The following CBLN2 variants were observed in gnomAD, a reference collection of about 807,000 sequenced individuals.
CBLN2 encodes cerebellin 2 precursor.
In CBLN2, 7 loss-of-function variants were observed where a neutral mutation model predicts 15.0. The observed-to-expected ratio is 0.47, with a 90% CI of 0.27 to 0.88. The LOEUF (loss-of-function observed/expected upper bound fraction) is 0.88, where lower values mean the gene tolerates loss of function less well. CBLN2 is among the 40% of genes least tolerant of loss of function. CBLN2 has a pLI of 0.14. For missense variants in CBLN2, 242 were observed against 304.5 expected (o/e 0.79, Z 1.53); for synonymous variants, 149 against 135.2 (o/e 1.10, Z -0.71).
Position 72,542,038 on chromosome 18 carries a change from C to T in CBLN2, c.123G>A (p.Leu41=). The change falls in exon 3 of 5, where the codon CTG becomes CTA. Residue 41 remains leucine, a synonymous_variant. Transcript: ENST00000269503. ...CLGVALALLL[L]LLPACCPVRA... ...GCACGGGGCAGCAGGCGGGCAGTAG[C>T]AGCAACAGCAGGGCCAGCGCCACCC... The T allele has an allele frequency of 6.3e-7, 1 of 1,590,938 alleles. No homozygotes were observed. The highest frequency in any genetic ancestry group is 8.5e-7 in the Non-Finnish European group (1 of 1,176,660).
upstream of CBLN2, among the ~76,000 whole-genome samples, chr18:72,548,024 T>C (rs2069169382): frequency 1.3e-5 from 2 of 152,028 alleles, no homozygotes; most frequent in Admixed American, 1.3e-4. Flanking sequence ...ATTAAAGGAG[T>C]GAAAAGCTGA....
At chr18:72,569,364 T>TC (rs2069315647) in intron 1 of CBLN2, among the ~76,000 whole-genome samples, 1 of 152,220 alleles carries the variant, frequency 6.6e-6, no homozygotes, top group East Asian at 1.9e-4. Context: ...TTACATTTTT[T>TC]CCAAATCTTT....
rs755592010 is a variant in CBLN2, at chr18:72,541,796, C to T, written c.357+8G>A. On this transcript the variant is annotated splice_region_variant and intron_variant, in intron 3 of 4. Coordinates refer to ENST00000269503, the MANE Select transcript of CBLN2 (RefSeq NM_182511.4). ...GCTGGGGGCGGGGTGGGCAGGCCGA[C>T]GGCTGACCTGGTCGAAATAGATGGT... 5 of 1,530,982 alleles carry T rather than the reference C, an allele frequency of 3.3e-6. No homozygotes were observed. The highest frequency in any genetic ancestry group is 1.2e-5 in the South Asian group (1 of 81,522). The allele number at this position is 1,530,982 out of a possible 1,614,324, so 94.8% of individuals were successfully genotyped here. A position where few individuals can be genotyped will look rare whatever the true frequency, so the allele number is the denominator to read the frequency against.
chr18:72,539,531 C>T (rs1300784892), intron 3 of CBLN2: 6 of 152,206 alleles, frequency 3.9e-5, no homozygotes, highest in East Asian at 1.9e-4. Flanking sequence ...AATAGAGAAC[C>T]GGCAGCTTGG....
chr18:72,615,491 G>A (rs536940015), intron 1 of CBLN2, among the ~76,000 whole-genome samples: 18 of 151,672 alleles, frequency 1.2e-4, no homozygotes, highest in African/African-American at 3.9e-4. Flanking sequence ...GGTCAGGCTG[G>A]TCTCAAAACT....
intron 1 of CBLN2, among the ~76,000 whole-genome samples, chr18:72,565,922 A>G (rs1017611597): frequency 6.6e-6 from 1 of 152,234 alleles, no homozygotes; most frequent in Non-Finnish European, 1.5e-5. Context: ...ACATCTTATA[A>G]GGAGTTAATA....
At chr18:72,562,816 C>T (rs964849007) in intron 1 of CBLN2, among the ~76,000 whole-genome samples, 28 of 152,080 alleles carry the variant, frequency 1.8e-4, no homozygotes, top group African/African-American at 6.8e-4. Context: ...AGTTGGTTAC[C>T]TTAGTGATTT....
chr18:72,618,942 T>C, intron 1 of CBLN2: 1 of 744,726 alleles, frequency 1.3e-6, no homozygotes, highest in Non-Finnish European at 2.4e-6. Context: ...GTGGTCATGG[T>C]GGCTTTGGTG....
chr18:72,617,818 T>C (rs1002924937), intron 1 of CBLN2, among the ~76,000 whole-genome samples: 3 of 152,092 alleles, frequency 2.0e-5, no homozygotes, highest in African/African-American at 7.2e-5. Flanking sequence ...ACTCAGTTAG[T>C]AGTAATAGTG....
rs1490114748 is a variant in CBLN2, at chr18:72,606,437, A to G, written c.15+31888T>C. Among the ~76,000 whole-genome samples the G allele has an allele frequency of 1.3e-5, 2 of 152,228 alleles. 1 individual carries two copies. The highest frequency in any genetic ancestry group is 2.9e-5 in the Non-Finnish European group (2 of 68,046). ...AGTAGTAACCTGTCAACTCCCCTAC[A>G]TAAGCCCTAAGATATAGACATATTT... On this transcript the variant is annotated intron_variant, in intron 1 of 2. Transcript: ENST00000581073.
intron 1 of CBLN2, among the ~76,000 whole-genome samples, chr18:72,579,346 G>T (rs998580601): frequency 1.3e-5 from 2 of 152,062 alleles, no homozygotes; most frequent in African/African-American, 4.8e-5. Flanking sequence ...TTGATTTAAT[G>T]CTTTTAGATA....
intron 1 of CBLN2, among the ~76,000 whole-genome samples, chr18:72,591,694 A>C (rs975936863): frequency 3.9e-5 from 6 of 152,042 alleles, no homozygotes; most frequent in Non-Finnish European, 8.8e-5. Context: ...CTCTATCTCC[A>C]TGAGTTCAAT....
At chr18:72,634,907 C>T (rs573077890) in intron 1 of CBLN2, among the ~76,000 whole-genome samples, 9 of 152,096 alleles carry the variant, frequency 5.9e-5, no homozygotes, top group East Asian at 1.9e-4. Flanking sequence ...AAATGAACCA[C>T]GCAGTTTTTG....
At chr18:72,575,308 A>G (rs957665975) in intron 1 of CBLN2, among the ~76,000 whole-genome samples, 1 of 152,158 alleles carries the variant, frequency 6.6e-6, no homozygotes, top group Admixed American at 6.5e-5. Flanking sequence ...AGAGGATTTT[A>G]AATACCTTGA....
chr18:72,608,267 C>T (rs2069597336), intron 1 of CBLN2, among the ~76,000 whole-genome samples: 1 of 152,186 alleles, frequency 6.6e-6, no homozygotes, highest in Non-Finnish European at 1.5e-5. Context: ...TAGCCTCTGA[C>T]TTCTTTTCTC....
chr18:72,588,993 T>C (rs2069460638), intron 1 of CBLN2, among the ~76,000 whole-genome samples: 1 of 152,148 alleles, frequency 6.6e-6, no homozygotes, highest in African/African-American at 2.4e-5. Flanking sequence ...AAAACATTAT[T>C]TGGCATGAAA....
At chr18:72,601,337 G>A (rs1388063085) in intron 1 of CBLN2, among the ~76,000 whole-genome samples, 1 of 152,140 alleles carries the variant, frequency 6.6e-6, no homozygotes, top group Non-Finnish European at 1.5e-5. Flanking sequence ...GATTTCAAAG[G>A]TTGGAATGGA....
intron 1 of CBLN2, among the ~76,000 whole-genome samples, chr18:72,567,037 C>T (rs1179213602): frequency 6.6e-6 from 1 of 151,968 alleles, no homozygotes; most frequent in Non-Finnish European, 1.5e-5. Context: ...TGTCCAAGCT[C>T]GTCTGGAACT....
At chr18:72,544,854 T>TA (rs2069146998), upstream of CBLN2, among the ~76,000 whole-genome samples, 2 of 152,184 alleles carry the variant, frequency 1.3e-5, no homozygotes, top group African/African-American at 4.8e-5. Flanking sequence ...CCGTATAGTT[T>TA]ATGCTGGTCT....
Sources: gnomAD v4.1 joint callset for allele counts (sites outside exome capture counted in the v4.1 genomes callset) on GRCh38, gnomAD v4.1.1 for gene constraint, MANE v1.5 for transcripts, NCBI Gene and HGNC (gene_info 2026-07-23, HGNC 2026-07-21) for gene names.